The following C2orf76 variants were observed in gnomAD, a reference collection of about 807,000 sequenced individuals.
C2orf76 encodes chromosome 2 open reading frame 76.
C2orf76 carries 23 observed loss-of-function variants against 16.9 expected under a neutral mutation model. The observed-to-expected ratio is 1.36, with a 90% confidence interval of 0.98 to 1.93. The LOEUF (loss-of-function observed/expected upper bound fraction) is 1.93, where lower values mean the gene tolerates loss of function less well. Ranked by LOEUF, C2orf76 falls within the 30% of genes most tolerant of loss-of-function variation. The pLI, the probability that C2orf76 is intolerant of heterozygous loss-of-function variation, is 0.00. For missense variants in C2orf76, 152 were observed against 152.6 expected, an observed-to-expected ratio of 1.00 and a Z score of 0.02; for synonymous variants, 48 against 52.3, an observed-to-expected ratio of 0.92 and a Z score of 0.35.
At chr2:119,363,088 A>G (rs778697170) in intron 1 of C2orf76, among the ~76,000 whole-genome samples, 4 of 151,498 alleles carry the variant, frequency 2.6e-5, no homozygotes, top group South Asian at 4.2e-4. Flanking sequence ...TACCTCCCCA[A>G]TCCTATCCAG....
chr2:119,292,969 A>G, the C2orf76 span, among the ~76,000 whole-genome samples: 1 of 152,250 alleles, frequency 6.6e-6, no homozygotes, highest in Non-Finnish European at 1.5e-5. Flanking sequence ...CAGGAGGCAG[A>G]GCTTACAGTG....
At chr2:119,311,502 A>G (rs969390630) in intron 5 of C2orf76, 120 bp downstream of exon 5, 6 of 1,453,526 alleles carry the variant, frequency 4.1e-6, no homozygotes, top group Non-Finnish European at 5.4e-6. Flanking sequence ...GTTACCGGGC[A>G]GTGTCAGGGG....
the C2orf76 span, among the ~76,000 whole-genome samples, chr2:119,286,526 G>A: frequency 6.6e-6 from 1 of 152,106 alleles, no homozygotes; most frequent in Admixed American, 6.5e-5. Context: ...ACAGGAGGAG[G>A]TGCCAAATTC....
At chr2:119,301,884 AT>A, downstream of C2orf76, among the ~76,000 whole-genome samples, 1 of 151,882 alleles carries the variant, frequency 6.6e-6, no homozygotes, top group Non-Finnish European at 1.5e-5. Context: ...AAAAAAAAAA[AT>A]CAGCAACATT....
At chr2:119,345,476 T>G (rs553034016) in intron 1 of C2orf76, among the ~76,000 whole-genome samples, 33 of 152,356 alleles carry the variant, frequency 2.2e-4, no homozygotes, top group African/African-American at 7.7e-4. Flanking sequence ...GTCTACCCTT[T>G]GATATGGCAA....
At chr2:119,352,145 A>T (rs1261550362) in intron 1 of C2orf76, among the ~76,000 whole-genome samples, 4 of 152,190 alleles carry the variant, frequency 2.6e-5, no homozygotes, top group Non-Finnish European at 5.9e-5. Flanking sequence ...ACCTTCCGTC[A>T]TGCCACACGC....
the C2orf76 span, among the ~76,000 whole-genome samples, chr2:119,297,079 C>T: frequency 3.3e-4 from 50 of 152,264 alleles, no homozygotes; most frequent in South Asian, 9.5e-3. Flanking sequence ...AATAAGTACC[C>T]GAAGACATGT....
intron 1 of C2orf76, among the ~76,000 whole-genome samples, chr2:119,343,899 C>A (rs1680117412): frequency 6.6e-6 from 1 of 152,196 alleles, no homozygotes; most frequent in Non-Finnish European, 1.5e-5. Flanking sequence ...CATTATTATT[C>A]TATTTGGATT....
Position 119,354,910 on chromosome 2 carries a change from C to G in C2orf76, c.-13+11880G>C, listed in dbSNP as rs560586559. 5.9e-5 allele frequency among the ~76,000 whole-genome samples: 9 copies of G among 152,324 alleles called. No homozygotes were observed. In the South Asian group the frequency reaches 1.7e-3, roughly 28 times the overall value. On this transcript the variant is annotated intron_variant, in intron 1 of 5. Transcript: ENST00000334816. ...CTGCATAATGACATTAGCAGCTGAC[C>G]TTCCCTGAGGAAGAACCATAATCAG...
intron 1 of C2orf76, among the ~76,000 whole-genome samples, chr2:119,342,300 G>A (rs1222581324): frequency 6.6e-6 from 1 of 152,154 alleles, no homozygotes; most frequent in African/African-American, 2.4e-5. Flanking sequence ...CATAAACATA[G>A]TCTTTATTTC....
chr2:119,327,837 C>T (rs1024530584), intron 2 of C2orf76, among the ~76,000 whole-genome samples: 2 of 152,126 alleles, frequency 1.3e-5, no homozygotes, highest in African/African-American at 2.4e-5. Context: ...AACAGACTAA[C>T]AGAGTCATAA....
At position 119,314,496 on chromosome 2, in the gene C2orf76, A is replaced by C. The variant is rs565827056; in HGVS notation, c.223-2793T>G. 1.0e-3 allele frequency among the ~76,000 whole-genome samples: 159 copies of C among 152,246 alleles called. 1 individual carries two copies. Among genetic ancestry groups the C allele is most frequent in the Non-Finnish European group, 2.0e-3 (133 of 68,006 alleles). On this transcript the variant is annotated intron_variant, in intron 4 of 5. Transcript: ENST00000334816. ...TTTCTTTACAAACTTGAAATGCCAT[A>C]TTTACTATACATTCAATTTCCATAT...
At chr2:119,359,812 C>T (rs935972863) in intron 1 of C2orf76, among the ~76,000 whole-genome samples, 2 of 152,180 alleles carry the variant, frequency 1.3e-5, no homozygotes, top group African/African-American at 2.4e-5. Context: ...CTCTCCCTGT[C>T]GCCTAGGCTG....
chr2:119,349,135 G>A (rs988256575), intron 1 of C2orf76, among the ~76,000 whole-genome samples: 8 of 152,206 alleles, frequency 5.3e-5, no homozygotes, highest in African/African-American at 1.4e-4. Context: ...CTGTCTCTGA[G>A]GGGCAGAAAT....
At chr2:119,334,283 T>C (rs929344287) in intron 2 of C2orf76, among the ~76,000 whole-genome samples, 1 of 150,636 alleles carries the variant, frequency 6.6e-6, no homozygotes, top group African/African-American at 2.4e-5. Flanking sequence ...GAAACTATTC[T>C]GTACGGCACT....
intron 1 of C2orf76, among the ~76,000 whole-genome samples, chr2:119,356,738 A>T (rs149148766): frequency 6.6e-6 from 1 of 152,010 alleles, no homozygotes; most frequent in African/African-American, 2.4e-5. Flanking sequence ...TTAAACACTG[A>T]TGAATCTTGA....
intron 1 of C2orf76, among the ~76,000 whole-genome samples, chr2:119,354,904 G>C (rs1447854923): frequency 6.6e-6 from 1 of 152,198 alleles, no homozygotes; most frequent in African/African-American, 2.4e-5. Flanking sequence ...GACATTAGCA[G>C]CTGACCTTCC....
the C2orf76 span, among the ~76,000 whole-genome samples, chr2:119,283,144 CTGG>C: frequency 6.6e-6 from 1 of 152,232 alleles, no homozygotes; most frequent in Non-Finnish European, 1.5e-5. Flanking sequence ...CTGAGAGACA[CTGG>C]TGAACATCTC....
chr2:119,354,192 A>T (rs1019396135), intron 1 of C2orf76, among the ~76,000 whole-genome samples: 2 of 152,286 alleles, frequency 1.3e-5, no homozygotes, highest in East Asian at 1.9e-4. Flanking sequence ...ATATTTTTTT[A>T]AAATATGAAA....
Sources: allele counts gnomAD v4.1 joint callset (sites outside exome capture counted in the v4.1 genomes callset), GRCh38; gene constraint gnomAD v4.1.1; transcripts MANE v1.5; gene names NCBI Gene and HGNC (gene_info 2026-07-23, HGNC 2026-07-21).